Variants in CNTN4 observed in about 807,000 individuals in gnomAD.
The protein encoded by CNTN4 is contactin-4.
In CNTN4, 77 loss-of-function variants were observed where a neutral mutation model predicts 122.5. The ratio of observed to expected loss-of-function variants is 0.63; its 90% CI spans 0.52 to 0.76. CNTN4 has a LOEUF of 0.76. Among genes scored for constraint, CNTN4 ranks in the 30% least tolerant of loss-of-function variants. The pLI, the probability that CNTN4 is intolerant of heterozygous loss-of-function variation, is 0.00. For synonymous variants in CNTN4, 512 were observed against 447.0 expected (o/e 1.15, Z -1.83); for missense variants, 1,256 against 1,259.1 (o/e 1.00, Z 0.04).
chr3:2,169,686 C>T (rs1052600129), intron 2 of CNTN4, among the ~76,000 whole-genome samples: 3 of 152,082 alleles, frequency 2.0e-5, no homozygotes, highest in African/African-American at 4.8e-5. Flanking sequence ...CGTGAGCCAC[C>T]GCGCCCGGCC....
chr3:2,482,193 C>T (rs2076025444), intron 3 of CNTN4, among the ~76,000 whole-genome samples: 1 of 152,080 alleles, frequency 6.6e-6, no homozygotes, highest in African/African-American at 2.4e-5. Context: ...CAATGAAGTC[C>T]AGTCTGAGGT....
chr3:2,464,235 A>G (rs978743069), intron 3 of CNTN4, among the ~76,000 whole-genome samples: 1 of 152,164 alleles, frequency 6.6e-6, no homozygotes, highest in African/African-American at 2.4e-5. Flanking sequence ...TACTGGAGAT[A>G]TGTATTTGAT....
chr3:2,178,026 C>T (rs2036834451), intron 2 of CNTN4, among the ~76,000 whole-genome samples: 1 of 152,042 alleles, frequency 6.6e-6, no homozygotes, highest in African/African-American at 2.4e-5. Flanking sequence ...CAGCTCATTT[C>T]TCTCTTATTT....
rs533422567 is a variant in CNTN4, at chr3:2,562,539, C to G, written c.-88-8877C>G. On this transcript the variant is annotated intron_variant, in intron 3 of 24. Coordinates refer to ENST00000418658, the MANE Select transcript of CNTN4 (RefSeq NM_175607.3). The stretch of plus-strand genomic sequence containing the variant: ...TATAATGGCCTCCAGCTGCATCCAT[C>G]TTCCTGCAAAGAACATCATTTCATT... 8.5e-5 allele frequency among the ~76,000 whole-genome samples: 13 copies of G among 152,220 alleles called. No individual in the cohort carries two copies. In the South Asian group the frequency reaches 2.7e-3, roughly 32 times the overall value.
At chr3:2,698,344 T>C (rs112440646) in intron 4 of CNTN4, among the ~76,000 whole-genome samples, 1 of 152,336 alleles carries the variant, frequency 6.6e-6, no homozygotes, top group African/African-American at 2.4e-5. Context: ...GAGTTTCTGA[T>C]TAAGCCTGTG....
chr3:2,224,159 G>A (rs1318276870), intron 2 of CNTN4, among the ~76,000 whole-genome samples: 2 of 152,160 alleles, frequency 1.3e-5, no homozygotes, highest in Non-Finnish European at 2.9e-5. Context: ...TCCTGTGGCT[G>A]CAGTTTCTTA....
intron 4 of CNTN4, among the ~76,000 whole-genome samples, chr3:2,681,545 C>G (rs951579523): frequency 3.9e-5 from 6 of 152,094 alleles, no homozygotes; most frequent in African/African-American, 1.4e-4. Context: ...AATTACGTAT[C>G]TTTCCAATGG....
chr3:2,449,084 A>G (rs941210027), intron 3 of CNTN4, among the ~76,000 whole-genome samples: 5 of 152,202 alleles, frequency 3.3e-5, no homozygotes, highest in Non-Finnish European at 7.3e-5. Context: ...TCAAAGGATC[A>G]TGCTAAGATA....
intron 14 of CNTN4, among the ~76,000 whole-genome samples, chr3:3,021,053 T>C (rs1293089360): frequency 6.6e-6 from 1 of 152,210 alleles, no homozygotes; most frequent in Non-Finnish European, 1.5e-5. Context: ...CCATGAGCAC[T>C]GAAATGCTTA....
chr3:2,736,791 T>TTTATTTAC (rs373714481), intron 5 of CNTN4, among the ~76,000 whole-genome samples: 25,621 of 150,480 alleles, frequency 0.17, 2,502 homozygotes, highest in East Asian at 0.3. Flanking sequence ...TATTTATTTA[T>TTTATTTAC]TTATTTATTT....
At chr3:2,955,949 C>T (rs1280096036) in intron 13 of CNTN4, among the ~76,000 whole-genome samples, 1 of 152,096 alleles carries the variant, frequency 6.6e-6, no homozygotes, top group African/African-American at 2.4e-5. Flanking sequence ...GTAGAGATTA[C>T]TCCAGAATTA....
At chr3:2,866,341 C>A in intron 7 of CNTN4, 1 of 304,116 alleles carries the variant, frequency 3.3e-6, no homozygotes, top group Non-Finnish European at 5.2e-6. Context: ...ATCTATAAAA[C>A]AAAAGAAATG....
intron 4 of CNTN4, among the ~76,000 whole-genome samples, chr3:2,727,860 A>G (rs1358338607): frequency 6.6e-6 from 1 of 152,222 alleles, no homozygotes; most frequent in Non-Finnish European, 1.5e-5. Flanking sequence ...GCTGTTTAAA[A>G]TGCTCATTTG....
At chr3:2,589,148 G>A (rs1322799144) in intron 4 of CNTN4, among the ~76,000 whole-genome samples, 1 of 152,154 alleles carries the variant, frequency 6.6e-6, no homozygotes, top group African/African-American at 2.4e-5. Flanking sequence ...CCCTAGAACA[G>A]CGATGGCCTG....
At chr3:2,869,403 C>T (rs919358682) in intron 8 of CNTN4, among the ~76,000 whole-genome samples, 3 of 152,106 alleles carry the variant, frequency 2.0e-5, no homozygotes, top group Non-Finnish European at 2.9e-5. Context: ...AGAACCTGAT[C>T]ATTCCTTAAA....
intron 2 of CNTN4, among the ~76,000 whole-genome samples, chr3:2,213,166 G>T (rs2038694152): frequency 6.6e-6 from 1 of 152,176 alleles, no homozygotes; most frequent in African/African-American, 2.4e-5. Flanking sequence ...TGTTGGAGTT[G>T]AGAGTTTTAG....
At chr3:2,218,479 C>T (rs1025625600) in intron 2 of CNTN4, among the ~76,000 whole-genome samples, 5 of 152,040 alleles carry the variant, frequency 3.3e-5, no homozygotes, top group Non-Finnish European at 7.4e-5. Context: ...GTGAGCGCAC[C>T]TGTGAATAGT....
chr3:3,033,406 G>A (rs1699343991), intron 16 of CNTN4, among the ~76,000 whole-genome samples: 1 of 152,150 alleles, frequency 6.6e-6, no homozygotes, highest in African/African-American at 2.4e-5. Context: ...TTTTAAAAAA[G>A]GAAAGGGAAT....
At chr3:2,681,140 G>T (rs565235445) in intron 4 of CNTN4, among the ~76,000 whole-genome samples, 1 of 152,002 alleles carries the variant, frequency 6.6e-6, no homozygotes, top group Non-Finnish European at 1.5e-5. Context: ...GATACGGCCC[G>T]CCACCCAAGG....
Sources: gnomAD v4.1 joint callset for allele counts (sites outside exome capture counted in the v4.1 genomes callset) on GRCh38, gnomAD v4.1.1 for gene constraint, MANE v1.5 for transcripts, NCBI Gene and HGNC (gene_info 2026-07-23, HGNC 2026-07-21) for gene names.